DIAPH3: variants seen among roughly 807,000 people sequenced by gnomAD.
The protein encoded by DIAPH3 is protein diaphanous homolog 3.
In DIAPH3, 117 loss-of-function variants were observed where a neutral mutation model predicts 144.3. The ratio of observed to expected loss-of-function variants is 0.81; its 90% confidence interval spans 0.70 to 0.95. DIAPH3 has a LOEUF of 0.95. Among genes scored for constraint, DIAPH3 ranks in the 40% least tolerant of loss-of-function variants. DIAPH3 has a pLI of 0.00. For synonymous variants in DIAPH3, 519 were observed against 488.9 expected (o/e 1.06, Z -0.81); for missense variants, 1,421 against 1,412.7 (o/e 1.01, Z -0.09).
chr13:60,157,772 T>C (rs1033486275), intron 1 of DIAPH3, among the ~76,000 whole-genome samples: 2 of 152,206 alleles, frequency 1.3e-5, no homozygotes, highest in East Asian at 3.8e-4. Flanking sequence ...TTAACTTGGC[T>C]GAACTCTCAA....
chr13:59,778,504 T>C (rs1442855293), intron 25 of DIAPH3, among the ~76,000 whole-genome samples: 1 of 152,276 alleles, frequency 6.6e-6, no homozygotes, highest in Non-Finnish European at 1.5e-5. Context: ...GATGGTCAGC[T>C]GGAAGGGTTG....
chr13:59,910,175 G>GT (rs1555331718), intron 20 of DIAPH3, among the ~76,000 whole-genome samples: 5,571 of 107,636 alleles, frequency 0.052, 131 homozygotes, highest in East Asian at 0.091. Flanking sequence ...CAAAACATAG[G>GT]TAAAAAAAAA....
At chr13:60,003,518 CAT>C (rs553615546) in intron 9 of DIAPH3, among the ~76,000 whole-genome samples, 92 of 149,498 alleles carry the variant, frequency 6.2e-4, no homozygotes, top group Non-Finnish European at 1.1e-3. Context: ...TGTGTGTATA[CAT>C]ATATATATAG....
chr13:60,074,862 T>C (rs2057327141), intron 4 of DIAPH3, among the ~76,000 whole-genome samples: 1 of 152,190 alleles, frequency 6.6e-6, no homozygotes. Flanking sequence ...GACTGTACTA[T>C]AAATTACTTA....
chr13:59,870,383 A>G (rs906361888), intron 21 of DIAPH3, among the ~76,000 whole-genome samples: 3 of 151,704 alleles, frequency 2.0e-5, no homozygotes, highest in Admixed American at 6.6e-5. Flanking sequence ...GCAGCTTTAT[A>G]CTAAGTCTGG....
At chr13:59,703,202 G>A (rs1280457913) in intron 27 of DIAPH3, among the ~76,000 whole-genome samples, 2 of 152,178 alleles carry the variant, frequency 1.3e-5, no homozygotes, top group African/African-American at 4.8e-5. Flanking sequence ...GTGGTGAAGT[G>A]CAAAATGCAC....
chr13:60,082,008 C>T (rs2137811625), intron 4 of DIAPH3, among the ~76,000 whole-genome samples: 1 of 151,572 alleles, frequency 6.6e-6, no homozygotes, highest in East Asian at 1.9e-4. Flanking sequence ...TGAAAGACAC[C>T]TCAAAGACAA....
At chr13:59,740,245 A>C (rs755685534) in intron 27 of DIAPH3, among the ~76,000 whole-genome samples, 40 of 152,346 alleles carry the variant, frequency 2.6e-4, no homozygotes, top group Admixed American at 9.8e-4. Context: ...TAAGCACCGC[A>C]TTTAAGAAAT....
intron 20 of DIAPH3, among the ~76,000 whole-genome samples, chr13:59,906,249 C>T (rs962942096): frequency 1.3e-4 from 20 of 152,058 alleles, no homozygotes; most frequent in African/African-American, 2.9e-4. Flanking sequence ...ATAAAATGCA[C>T]GAATTTAAAA....
chr13:59,704,528 A>G (rs949630098), intron 27 of DIAPH3, among the ~76,000 whole-genome samples: 1 of 152,226 alleles, frequency 6.6e-6, no homozygotes, highest in African/African-American at 2.4e-5. Context: ...CATGCTATGT[A>G]CAGTCATGTG....
At chr13:59,924,129 A>G (rs143280637) in intron 18 of DIAPH3, among the ~76,000 whole-genome samples, 1 of 152,338 alleles carries the variant, frequency 6.6e-6, no homozygotes, top group African/African-American at 2.4e-5. Flanking sequence ...ATCTCTAAGC[A>G]TAACTACCTT....
Position 60,071,600 on chromosome 13 carries a change from T to A in DIAPH3, c.495+22028A>T, listed in dbSNP as rs371168997. Among the ~76,000 whole-genome samples the A allele has an allele frequency of 3.9e-5, 6 of 152,284 alleles. No individual in the cohort carries two copies. The East Asian group carries it at 7.7e-4, about 20-fold the overall frequency. The stretch of plus-strand genomic sequence containing the variant: ...ATATCCCATTTCCTTCAATGCTTCT[T>A]CCAAACCTATGAGCCCTTCTCAAAA... On this transcript the variant is annotated intron_variant, in intron 4 of 27. Coordinates refer to ENST00000400324, the MANE Select transcript of DIAPH3 (RefSeq NM_001042517.2).
chr13:59,862,046 A>G (rs1272215417), intron 21 of DIAPH3, among the ~76,000 whole-genome samples: 4 of 152,222 alleles, frequency 2.6e-5, no homozygotes, highest in Non-Finnish European at 4.4e-5. Flanking sequence ...GGACATGACA[A>G]TGGAACTGAG....
chr13:60,093,552 C>T, intron 4 of DIAPH3, 76 bp downstream of exon 4: 1 of 984,020 alleles, frequency 1.0e-6, no homozygotes, highest in Admixed American at 1.9e-5. Context: ...AACTTAAGTA[C>T]TTCATTAGAT....
chr13:59,947,154 A>ACAC (rs770627179), intron 17 of DIAPH3, among the ~76,000 whole-genome samples: 1 of 152,178 alleles, frequency 6.6e-6, no homozygotes, highest in Non-Finnish European at 1.5e-5. Flanking sequence ...CGAGCATGAC[A>ACAC]CAGCTCATAC....
chr13:59,986,807 T>C (rs1194914683), intron 12 of DIAPH3, among the ~76,000 whole-genome samples: 1 of 149,960 alleles, frequency 6.7e-6, no homozygotes, highest in African/African-American at 2.4e-5. Flanking sequence ...ATGGCAATCA[T>C]TAAAAAGTCA....
chr13:59,955,095 CAT>C (rs1331733768), intron 17 of DIAPH3, among the ~76,000 whole-genome samples: 4 of 141,808 alleles, frequency 2.8e-5, no homozygotes, highest in Non-Finnish European at 6.2e-5. Context: ...TATATATATA[CAT>C]GTATATATAC....
chr13:59,796,354 A>G (rs1295653487), intron 25 of DIAPH3, among the ~76,000 whole-genome samples: 1 of 152,252 alleles, frequency 6.6e-6, no homozygotes, highest in East Asian at 1.9e-4. Flanking sequence ...AGGATGCACC[A>G]TAACTAGATT....
At chr13:59,802,347 T>C (rs1313231720) in intron 25 of DIAPH3, among the ~76,000 whole-genome samples, 4 of 151,944 alleles carry the variant, frequency 2.6e-5, no homozygotes, top group Non-Finnish European at 4.4e-5. Context: ...ATCACACAAT[T>C]CTCTGTAGCA....
Sources: gnomAD v4.1 joint callset for allele counts (sites outside exome capture counted in the v4.1 genomes callset) on GRCh38, gnomAD v4.1.1 for gene constraint, MANE v1.5 for transcripts, NCBI Gene and HGNC (gene_info 2026-07-23, HGNC 2026-07-21) for gene names.